Variants in DIPK2B observed in about 807,000 individuals in gnomAD.
The protein encoded by DIPK2B is UPF0672 protein CXorf36.
DIPK2B carries 15 observed loss-of-function variants against 22.2 expected under a neutral mutation model. The ratio of observed to expected loss-of-function variants is 0.68; its 90% CI spans 0.45 to 1.04. The LOEUF (loss-of-function observed/expected upper bound fraction) is 1.04. DIPK2B is among the 50% of genes least tolerant of loss of function. The pLI, the probability that DIPK2B is intolerant of heterozygous loss-of-function variation, is 0.00. For missense variants in DIPK2B, 345 were observed against 348.3 expected (o/e 0.99, Z 0.08); for synonymous variants, 163 against 153.2 (o/e 1.06, Z -0.47).
At chrX:45,183,670 G>T (rs1461195615) in intron 2 of DIPK2B, among the ~76,000 whole-genome samples, 1 of 111,519 alleles carries the variant, frequency 9.0e-6, no homozygotes, top group Non-Finnish European at 1.9e-5. Flanking sequence ...TTTAATCAGA[G>T]AAATTCAATA....
At chrX:45,154,387 T>A (rs1173788985) in intron 3 of DIPK2B, among the ~76,000 whole-genome samples, 189 bp from the exon 4 acceptor site, 1 of 110,970 alleles carries the variant, frequency 9.0e-6, no homozygotes, top group Admixed American at 9.6e-5. Context: ...TATCTACCTA[T>A]ATCTATCTAT....
intron 4 of DIPK2B, among the ~76,000 whole-genome samples, chrX:45,153,444 G>T (rs936178922): frequency 9.2e-6 from 1 of 108,784 alleles, no homozygotes; most frequent in Non-Finnish European, 1.9e-5. Context: ...TGATGAGAAA[G>T]ACTCTGAGTG....
At chrX:45,168,360 A>G (rs1372231513) in intron 2 of DIPK2B, among the ~76,000 whole-genome samples, 1 of 112,545 alleles carries the variant, frequency 8.9e-6, no homozygotes, top group Non-Finnish European at 1.9e-5. Context: ...GGATCATCAA[A>G]GAGTGAATAA....
chrX:45,181,983 C>G (rs943484260), intron 2 of DIPK2B, among the ~76,000 whole-genome samples: 2 of 108,274 alleles, frequency 1.8e-5, no homozygotes, highest in Non-Finnish European at 3.8e-5. Context: ...AGGCTGAAGG[C>G]AGGAGGACTG....
intron 2 of DIPK2B, among the ~76,000 whole-genome samples, chrX:45,159,418 T>C (rs950470494): frequency 9.0e-6 from 1 of 111,669 alleles, no homozygotes; most frequent in Non-Finnish European, 1.9e-5. Context: ...AAGTCACATA[T>C]ACCTAGCATT....
intron 2 of DIPK2B, among the ~76,000 whole-genome samples, chrX:45,174,311 A>T (rs1261381363): frequency 2.7e-5 from 3 of 112,053 alleles, no homozygotes; most frequent in Non-Finnish European, 5.6e-5. Context: ...TTAGTGCTCT[A>T]CTTTGTATAA....
intron 3 of DIPK2B, among the ~76,000 whole-genome samples, chrX:45,155,871 G>T (rs976407311): frequency 3.7e-5 from 4 of 108,791 alleles, no homozygotes; most frequent in Admixed American, 9.9e-5. Context: ...ATCTCTGATG[G>T]TTTTTTGCAG....
intron 1 of DIPK2B, among the ~76,000 whole-genome samples, chrX:45,193,398 CA>C (rs1226966837): frequency 8.9e-6 from 1 of 112,049 alleles, no homozygotes; most frequent in East Asian, 2.8e-4. Flanking sequence ...GAAGAATTAG[CA>C]TTTTGATTAG....
At chrX:45,168,857 A>G (rs150682650) in intron 2 of DIPK2B, among the ~76,000 whole-genome samples, 332 of 112,081 alleles carry the variant, frequency 3.0e-3, no homozygotes, top group African/African-American at 0.01. Context: ...GAAAAATGAG[A>G]TTCAACATCC....
rs373878883 is a variant in DIPK2B, at chrX:45,165,566, G to T, written c.499-7678C>A. ...ATGTACTGACTCCCACTGGCCACTA[G>T]CCCCATGCTGCAACATGGGGTGACA... On this transcript the variant is annotated intron_variant, in intron 2 of 4. Transcript: ENST00000398000. Among the ~76,000 whole-genome samples the T allele has an allele frequency of 7.2e-5, 8 of 111,003 alleles. No individual in the cohort carries two copies. The East Asian group carries it at 2.0e-3, about 28-fold the overall frequency.
intron 2 of DIPK2B, among the ~76,000 whole-genome samples, chrX:45,160,300 C>A (rs2047016132): frequency 9.1e-6 from 1 of 110,448 alleles, no homozygotes; most frequent in African/African-American, 3.3e-5. Context: ...CTCCGGCTCC[C>A]AGGTTCAAGC....
chrX:45,169,888 C>T (rs1022120234), intron 2 of DIPK2B, among the ~76,000 whole-genome samples: 2 of 111,441 alleles, frequency 1.8e-5, no homozygotes, highest in African/African-American at 3.3e-5. Flanking sequence ...TTTGAAGAGG[C>T]TTAATGAACA....
At chrX:45,197,324 G>A (rs1474593240) in intron 1 of DIPK2B, among the ~76,000 whole-genome samples, 1 of 109,405 alleles carries the variant, frequency 9.1e-6, no homozygotes, top group East Asian at 2.9e-4. Flanking sequence ...TGCAGCCTCC[G>A]CCTCCCGGGT....
chrX:45,189,247 G>A (rs1052274504), intron 2 of DIPK2B, among the ~76,000 whole-genome samples: 1 of 112,025 alleles, frequency 8.9e-6, no homozygotes, highest in African/African-American at 3.2e-5. Context: ...GTGAATAGGC[G>A]AGGGTATTTT....
chrX:45,151,426 G>A lies in DIPK2B; in HGVS notation c.*226C>T, dbSNP rs1465670928. ...TGAGGCTCAAAGACATTGAGTGAGC[G>A]TCCACACCCAGGTCTTCTGATGCCC... On this transcript the variant is annotated 3_prime_UTR_variant, in exon 5 of 5. Transcript: ENST00000398000. 3.8e-5 allele frequency: 16 copies of A among 425,278 alleles called. No individual in the cohort carries two copies. Among genetic ancestry groups the A allele is most frequent in the Non-Finnish European group, 5.7e-5 (14 of 245,797 alleles). The allele number at this position is 425,278 out of a possible 1,213,427, so 35.0% of individuals were successfully genotyped here.
chrX:45,191,159 C>T (rs1048241991), intron 2 of DIPK2B, among the ~76,000 whole-genome samples: 2 of 112,395 alleles, frequency 1.8e-5, no homozygotes, highest in African/African-American at 6.5e-5. Context: ...ATGATGATGG[C>T]ACCAGCAAGG....
chrX:45,189,427 A>C (rs1284602287), intron 2 of DIPK2B, among the ~76,000 whole-genome samples: 3 of 111,375 alleles, frequency 2.7e-5, no homozygotes, highest in Non-Finnish European at 3.8e-5. Flanking sequence ...CAGCCTGGCC[A>C]ATATGGTGAA....
intron 1 of DIPK2B, among the ~76,000 whole-genome samples, chrX:45,195,962 A>T (rs774029330): frequency 4.6e-4 from 52 of 112,392 alleles, no homozygotes; most frequent in African/African-American, 1.7e-3. Flanking sequence ...CCCAGTTGGG[A>T]CCTTCCCACA....
chrX:45,160,650 G>A (rs1432654893), intron 2 of DIPK2B, among the ~76,000 whole-genome samples: 2 of 111,994 alleles, frequency 1.8e-5, no homozygotes, highest in African/African-American at 3.2e-5. Context: ...AATCTTGAGA[G>A]GAGAGAGAAT....
Sources: gnomAD v4.1 joint callset for allele counts (sites outside exome capture counted in the v4.1 genomes callset) on GRCh38, gnomAD v4.1.1 for gene constraint, MANE v1.5 for transcripts, NCBI Gene and HGNC (gene_info 2026-07-23, HGNC 2026-07-21) for gene names.